The following GNA14 variants were observed in gnomAD, a reference collection of about 807,000 sequenced individuals.
GNA14 encodes G protein subunit alpha 14.
A neutral mutation model predicts 42.0 loss-of-function variants in GNA14; 50 were observed. The observed-to-expected ratio is 1.19, with a 90% confidence interval of 0.95 to 1.51. GNA14 has a LOEUF of 1.51. GNA14 is among the 40% of genes most tolerant of loss of function. The pLI, the probability that GNA14 is intolerant of heterozygous loss-of-function variation, is 0.00. For synonymous variants in GNA14, 173 were observed against 163.1 expected (o/e 1.06, Z -0.46); for missense variants, 473 against 446.2 (o/e 1.06, Z -0.54).
At chr9:77,429,424 G>C (rs1221455670) in intron 4 of GNA14, among the ~76,000 whole-genome samples, 1 of 152,204 alleles carries the variant, frequency 6.6e-6, no homozygotes, top group East Asian at 1.9e-4. Flanking sequence ...GGGTCTCCCA[G>C]GCTGGCTTCA....
intron 1 of GNA14, among the ~76,000 whole-genome samples, chr9:77,541,184 T>C (rs1837656736): frequency 6.6e-6 from 1 of 152,192 alleles, no homozygotes; most frequent in Non-Finnish European, 1.5e-5. Flanking sequence ...CACTTCCAGG[T>C]TTAGGACTTC....
At chr9:77,460,199 G>A (rs1270445386) in intron 2 of GNA14, among the ~76,000 whole-genome samples, 1 of 152,176 alleles carries the variant, frequency 6.6e-6, no homozygotes, top group Non-Finnish European at 1.5e-5. Flanking sequence ...ATGAGGTCAC[G>A]TTGGATTAGG....
At chr9:77,626,759 C>A (rs1824018779) in intron 1 of GNA14, among the ~76,000 whole-genome samples, 1 of 152,140 alleles carries the variant, frequency 6.6e-6, no homozygotes, top group Non-Finnish European at 1.5e-5. Flanking sequence ...ATTTATAGCA[C>A]TAAATGCCCA....
At chr9:77,433,058 ACATT>A (rs1258050393) in intron 3 of GNA14, among the ~76,000 whole-genome samples, 1 of 152,216 alleles carries the variant, frequency 6.6e-6, no homozygotes, top group Non-Finnish European at 1.5e-5. Context: ...TGGATTAATG[ACATT>A]CAATTCTCAG....
At chr9:77,560,341 T>C (rs1464965777) in intron 1 of GNA14, among the ~76,000 whole-genome samples, 1 of 145,240 alleles carries the variant, frequency 6.9e-6, no homozygotes, top group Non-Finnish European at 1.5e-5. Flanking sequence ...AAGGCTGGAG[T>C]GCAGTGGCAC....
At chr9:77,609,024 T>C (rs1034481116) in intron 1 of GNA14, among the ~76,000 whole-genome samples, 1 of 152,228 alleles carries the variant, frequency 6.6e-6, no homozygotes, top group Non-Finnish European at 1.5e-5. Flanking sequence ...CTTTGCAATA[T>C]GGATAGCCTA....
At chr9:77,631,389 T>C (rs1158894444) in intron 1 of GNA14, among the ~76,000 whole-genome samples, 1 of 145,410 alleles carries the variant, frequency 6.9e-6, no homozygotes, top group East Asian at 2.0e-4. Context: ...TGTGCCCAGA[T>C]AAAACATCTT....
intron 1 of GNA14, among the ~76,000 whole-genome samples, chr9:77,586,981 T>G (rs1277557405): frequency 6.6e-6 from 1 of 151,298 alleles, no homozygotes; most frequent in African/African-American, 2.4e-5. Flanking sequence ...GGCTGGTTTT[T>G]TTTTTTTTTT....
At chr9:77,644,028 T>C (rs957188190) in intron 1 of GNA14, among the ~76,000 whole-genome samples, 3 of 152,212 alleles carry the variant, frequency 2.0e-5, no homozygotes, top group African/African-American at 7.2e-5. Context: ...TGGCTGAATT[T>C]AGTCCTCCCG....
At chr9:77,628,143 T>C (rs11145497) in intron 1 of GNA14, among the ~76,000 whole-genome samples, 42,783 of 151,982 alleles carry the variant, frequency 0.28, 6,906 homozygotes, top group African/African-American at 0.44. Context: ...CCATTCACAA[T>C]TGCTACAAAG....
chr9:77,637,512 A>T (rs572479079), intron 1 of GNA14, among the ~76,000 whole-genome samples: 2 of 152,220 alleles, frequency 1.3e-5, no homozygotes, highest in African/African-American at 2.4e-5. Context: ...CAGCAACCCT[A>T]TAATTTTCTT....
rs191627531 is a variant in GNA14, at chr9:77,620,542, T to A, written c.124+27128A>T. Among the ~76,000 whole-genome samples, 6 of 152,286 alleles carry A rather than the reference T, an allele frequency of 3.9e-5. No individual in the cohort carries two copies. In the East Asian group the frequency reaches 1.2e-3, roughly 29 times the overall value. The stretch of plus-strand genomic sequence containing the variant: ...TTAACATATTAAGTTTTCCTAATCA[T>A]CCTAATAATTAGAAACAAATCCATT... On this transcript the variant is annotated intron_variant, in intron 1 of 6. Transcript: ENST00000341700.
chr9:77,616,661 C>A (rs1051373966), intron 1 of GNA14, among the ~76,000 whole-genome samples: 1 of 152,172 alleles, frequency 6.6e-6, no homozygotes, highest in Non-Finnish European at 1.5e-5. Flanking sequence ...GACCTCTTAG[C>A]AGTAAAGTTT....
chr9:77,601,747 G>C, intron 1 of GNA14, among the ~76,000 whole-genome samples: 1 of 152,140 alleles, frequency 6.6e-6, no homozygotes, highest in East Asian at 2.0e-4. Context: ...ATAGGTCCCG[G>C]GCAGTGGGCA....
chr9:77,549,762 C>T (rs1310996178), intron 1 of GNA14, among the ~76,000 whole-genome samples: 2 of 152,204 alleles, frequency 1.3e-5, no homozygotes, highest in East Asian at 1.9e-4. Context: ...GACCTCATTT[C>T]GGCCCTCTTT....
At chr9:77,578,137 G>A (rs766416332) in intron 1 of GNA14, among the ~76,000 whole-genome samples, 2 of 152,136 alleles carry the variant, frequency 1.3e-5, no homozygotes, top group African/African-American at 2.4e-5. Context: ...TTAGCTGGGC[G>A]TGGTGGCACA....
At chr9:77,453,218 G>T (rs770928611) in intron 2 of GNA14, among the ~76,000 whole-genome samples, 1 of 152,124 alleles carries the variant, frequency 6.6e-6, no homozygotes, top group Non-Finnish European at 1.5e-5. Context: ...ACACCAAGAA[G>T]ATGCCATCTC....
intron 1 of GNA14, among the ~76,000 whole-genome samples, chr9:77,623,216 C>CAAAAAAAA (rs34368561): frequency 1.6e-3 from 42 of 26,836 alleles, no homozygotes; most frequent in East Asian, 2.4e-3. Context: ...GACGCTGTCT[C>CAAAAAAAA]AAAAAAAAAA....
At chr9:77,599,476 C>T (rs538089185) in intron 1 of GNA14, among the ~76,000 whole-genome samples, 62 of 152,106 alleles carry the variant, frequency 4.1e-4, no homozygotes, top group Non-Finnish European at 7.8e-4. Flanking sequence ...TGAACCCGGC[C>T]CAGTGGATTT....
Sources: gnomAD v4.1 joint callset for allele counts (sites outside exome capture counted in the v4.1 genomes callset) on GRCh38, gnomAD v4.1.1 for gene constraint, MANE v1.5 for transcripts, NCBI Gene and HGNC (gene_info 2026-07-23, HGNC 2026-07-21) for gene names.